Variants in SEPTIN10 observed in about 807,000 individuals in gnomAD.
SEPTIN10 encodes septin-10.
Under a neutral mutation model 54.8 loss-of-function variants are expected in SEPTIN10, and 66 were observed. That is an observed-to-expected ratio of 1.21 (90% CI 0.99 to 1.48). The LOEUF is 1.48. Ranked by LOEUF, SEPTIN10 falls within the 40% of genes most tolerant of loss-of-function variation. The pLI is 0.00. For synonymous variants in SEPTIN10, 161 were observed against 181.0 expected (o/e 0.89, Z 0.89); for missense variants, 620 against 545.6 (o/e 1.14, Z -1.36).
At chr2:109,572,675 G>A (rs1233705951) in intron 5 of SEPTIN10, among the ~76,000 whole-genome samples, 1 of 145,806 alleles carries the variant, frequency 6.9e-6, no homozygotes, top group Non-Finnish European at 1.5e-5. Context: ...GGAGTGCAGT[G>A]GTGCAATCTC....
At chr2:109,597,683 T>C (rs1308534765) in intron 1 of SEPTIN10, among the ~76,000 whole-genome samples, 1 of 152,112 alleles carries the variant, frequency 6.6e-6, no homozygotes, top group Non-Finnish European at 1.5e-5. Flanking sequence ...AAAGGAAAAA[T>C]CCCATACAGT....
intron 1 of SEPTIN10, among the ~76,000 whole-genome samples, chr2:109,603,608 G>C (rs1697182057): frequency 6.6e-6 from 1 of 152,104 alleles, no homozygotes; most frequent in African/African-American, 2.4e-5. Context: ...GTGGATCGAA[G>C]CTGTATAAAT....
At chr2:109,578,940 A>G (rs1161038337) in intron 4 of SEPTIN10, among the ~76,000 whole-genome samples, 2 of 152,206 alleles carry the variant, frequency 1.3e-5, no homozygotes, top group Non-Finnish European at 2.9e-5. Flanking sequence ...AGCAGAAAGT[A>G]ATGAAACAGG....
chr2:109,566,891 A>T (rs926751671), intron 6 of SEPTIN10, among the ~76,000 whole-genome samples: 3 of 152,202 alleles, frequency 2.0e-5, no homozygotes, highest in Non-Finnish European at 2.9e-5. Flanking sequence ...TTAATATTTT[A>T]AAATTGACAT....
chr2:109,613,268 G>A, intron 1 of SEPTIN10: 1 of 897,844 alleles, frequency 1.1e-6, no homozygotes, highest in Admixed American at 2.9e-5. Context: ...CGTTCTTTTA[G>A]AGTACAAAAG....
intron 2 of SEPTIN10, among the ~76,000 whole-genome samples, chr2:109,586,295 A>C (rs993140937): frequency 3.9e-5 from 6 of 152,216 alleles, no homozygotes; most frequent in Non-Finnish European, 5.9e-5. Context: ...TACTGGTAAC[A>C]ATTACAAGCA....
intron 4 of SEPTIN10, among the ~76,000 whole-genome samples, chr2:109,576,815 C>T (rs981535620): frequency 1.3e-5 from 2 of 151,700 alleles, no homozygotes; most frequent in South Asian, 2.1e-4. Flanking sequence ...TGAATCAGAG[C>T]GATTAAGAGT....
At chr2:109,600,180 C>T (rs1696308880) in intron 1 of SEPTIN10, among the ~76,000 whole-genome samples, 1 of 152,176 alleles carries the variant, frequency 6.6e-6, no homozygotes, top group Non-Finnish European at 1.5e-5. Flanking sequence ...CTGCAGCTCT[C>T]ACTGCTCAAT....
Position 109,565,821 on chromosome 2 carries a change from C to G in SEPTIN10, c.801G>C (p.Glu267Asp). 1 of 1,614,086 alleles carries G rather than the reference C, an allele frequency of 6.2e-7. No individual in the cohort carries two copies. Among genetic ancestry groups the G allele is most frequent in the South Asian group, 1.1e-5 (1 of 91,084 alleles). Residue 267 changes from glutamate to aspartate, a missense_variant, in exon 7 of 11, where the codon GAG becomes GAC. Transcript: ENST00000397712. ...LPFAVVGSMD[E>D]VKVGNKMVKA... is the part of the protein sequence containing the mutation. ...TGACCATCTTGTTTCCGACTTTTAC[C>G]TCATCCATACTTCCCACAACAGCAA...
At chr2:109,577,053 A>C (rs1439619075) in intron 4 of SEPTIN10, among the ~76,000 whole-genome samples, 1 of 152,138 alleles carries the variant, frequency 6.6e-6, no homozygotes, top group African/African-American at 2.4e-5. Flanking sequence ...ACTGGATAAC[A>C]ATAAAAACAA....
chr2:109,597,499 T>G (rs932061275), intron 1 of SEPTIN10, among the ~76,000 whole-genome samples: 3 of 152,212 alleles, frequency 2.0e-5, no homozygotes, highest in African/African-American at 7.2e-5. Context: ...GAAACATGAA[T>G]GCACAATAGG....
intron 1 of SEPTIN10, among the ~76,000 whole-genome samples, chr2:109,597,074 A>C: frequency 6.6e-6 from 1 of 152,074 alleles, no homozygotes; most frequent in East Asian, 1.9e-4. Context: ...CAGCCTCCTA[A>C]GTAGATGGGA....
At chr2:109,603,100 A>G (rs1378315184) in intron 1 of SEPTIN10, among the ~76,000 whole-genome samples, 2 of 151,968 alleles carry the variant, frequency 1.3e-5, no homozygotes. Flanking sequence ...CAAAACAAAA[A>G]AGCATTAAAA....
At chr2:109,601,198 C>T (rs551077573) in intron 1 of SEPTIN10, among the ~76,000 whole-genome samples, 48 of 152,300 alleles carry the variant, frequency 3.2e-4, no homozygotes, top group African/African-American at 1.2e-3. Context: ...CTGAAAGTCC[C>T]AACCCTCTAA....
intron 2 of SEPTIN10, among the ~76,000 whole-genome samples, chr2:109,586,885 G>C (rs1336780856): frequency 1.3e-5 from 2 of 152,156 alleles, no homozygotes; most frequent in African/African-American, 4.8e-5. Context: ...TGATCAATGT[G>C]ATCAGTCAGC....
At chr2:109,571,673 A>G (rs1688426946) in intron 5 of SEPTIN10, among the ~76,000 whole-genome samples, 3 of 152,200 alleles carry the variant, frequency 2.0e-5, no homozygotes, top group Admixed American at 6.5e-5. Context: ...ACTGTCCTAC[A>G]CTATTTTATA....
In SEPTIN10 at chr2:109,574,803, T is replaced by G. The variant is rs532871863; in HGVS notation, c.414-36A>C. On this transcript the variant is annotated intron_variant, in intron 4 of 10. Transcript: ENST00000397712. ...ATTTAAATGTTTAATACAACATTATTTGTGCTACCTTAAGATATCTGTGCA... is the reference window on the plus strand; with the variant it reads ...ATTTAAATGTTTAATACAACATTATGTGTGCTACCTTAAGATATCTGTGCA... The G allele has an allele frequency of 7.7e-5, 111 of 1,436,422 alleles. 2 individuals carry two copies. The South Asian group carries it at 1.6e-3, about 21-fold the overall frequency. The allele number at this position is 1,436,422 out of a possible 1,614,324, so 89.0% of individuals were successfully genotyped here.
intron 8 of SEPTIN10, among the ~76,000 whole-genome samples, chr2:109,560,408 C>A (rs60099402): frequency 0.048 from 7,314 of 152,174 alleles, 497 homozygotes; most frequent in African/African-American, 0.16. Context: ...CTCCTCCTCC[C>A]TTCTCAAGCT....
intron 1 of SEPTIN10, among the ~76,000 whole-genome samples, chr2:109,603,094 A>T (rs111566351): frequency 0.025 from 3,831 of 152,020 alleles, 173 homozygotes; most frequent in African/African-American, 0.087. Flanking sequence ...AAAAAACAAA[A>T]CAAAAAAGCA....
Sources: gnomAD v4.1 joint callset for allele counts (sites outside exome capture counted in the v4.1 genomes callset) on GRCh38, gnomAD v4.1.1 for gene constraint, MANE v1.5 for transcripts, NCBI Gene and HGNC (gene_info 2026-07-23, HGNC 2026-07-21) for gene names.